Variants in PCCA observed in about 807,000 individuals in gnomAD.
PCCA encodes the protein propionyl-CoA carboxylase alpha chain, mitochondrial.
In PCCA, 74 loss-of-function variants were observed where a neutral mutation model predicts 101.3. The observed-to-expected ratio is 0.73, with a 90% CI of 0.61 to 0.89. The LOEUF is 0.89. Ranked by LOEUF, PCCA falls within the 40% of genes least tolerant of loss-of-function variation. The pLI, the probability that PCCA is intolerant of heterozygous loss-of-function variation, is 0.00. For missense variants in PCCA, 891 were observed against 907.0 expected (o/e 0.98, Z 0.23); for synonymous variants, 294 against 313.6 (o/e 0.94, Z 0.66).
intron 6 of PCCA, among the ~76,000 whole-genome samples, chr13:100,192,662 A>T (rs542444614): frequency 6.6e-6 from 1 of 152,320 alleles, no homozygotes; most frequent in Admixed American, 6.5e-5. Flanking sequence ...AGCTGAGATC[A>T]CGCCACTGCA....
chr13:100,492,956 C>T (rs1158430449), intron 21 of PCCA, among the ~76,000 whole-genome samples: 1 of 151,970 alleles, frequency 6.6e-6, no homozygotes, highest in African/African-American at 2.4e-5. Flanking sequence ...CACCATCCTT[C>T]AAGTCTGGGT....
At chr13:100,291,979 T>G (rs984095175) in intron 12 of PCCA, among the ~76,000 whole-genome samples, 1 of 152,172 alleles carries the variant, frequency 6.6e-6, no homozygotes, top group Non-Finnish European at 1.5e-5. Flanking sequence ...TCTCATCTTC[T>G]CCCTAGATCT....
intron 20 of PCCA, among the ~76,000 whole-genome samples, chr13:100,432,958 A>C (rs1441719457): frequency 6.6e-6 from 1 of 152,258 alleles, no homozygotes; most frequent in African/African-American, 2.4e-5. Context: ...AGGTTATAGC[A>C]TGTGACAGGA....
chr13:100,232,268 G>A (rs919748496), intron 7 of PCCA, among the ~76,000 whole-genome samples: 3 of 151,880 alleles, frequency 2.0e-5, no homozygotes, highest in African/African-American at 7.3e-5. Flanking sequence ...ATTTTTATAT[G>A]TGTGGTTCCC....
intron 20 of PCCA, among the ~76,000 whole-genome samples, chr13:100,432,528 A>G (rs1206957013): frequency 6.6e-6 from 1 of 152,226 alleles, no homozygotes; most frequent in African/African-American, 2.4e-5. Context: ...CTAAACATGG[A>G]AAAATAGGTT....
chr13:100,235,990 A>G (rs1439860756), intron 8 of PCCA, 112 bp downstream of exon 8: 1 of 744,974 alleles, frequency 1.3e-6, no homozygotes, highest in African/African-American at 1.7e-5. Context: ...ATAGTTTTAG[A>G]TTTTGATTAC....
intron 6 of PCCA, among the ~76,000 whole-genome samples, chr13:100,190,653 C>T (rs747257099): frequency 1.5e-4 from 23 of 151,896 alleles, no homozygotes; most frequent in South Asian, 2.1e-4. Context: ...CCAGCCTGGG[C>T]GACAGAGCGA....
intron 4 of PCCA, among the ~76,000 whole-genome samples, chr13:100,127,257 G>A (rs1228519895): frequency 1.3e-5 from 2 of 151,964 alleles, no homozygotes; most frequent in African/African-American, 4.8e-5. Flanking sequence ...TTTAATCTGT[G>A]GGAAGTGACT....
At chr13:100,428,146 A>T (rs868470989) in intron 20 of PCCA, among the ~76,000 whole-genome samples, 2 of 151,844 alleles carry the variant, frequency 1.3e-5, no homozygotes, top group Admixed American at 1.3e-4. Flanking sequence ...GGTTCACCGC[A>T]GCTTTGACCT....
intron 18 of PCCA, among the ~76,000 whole-genome samples, chr13:100,348,732 C>T (rs67948031): frequency 0.45 from 41,977 of 92,462 alleles, 9,047 homozygotes; most frequent in African/African-American, 0.5. Context: ...TTTTTCCTTT[C>T]TTTCTTTCTT....
chr13:100,363,212 T>G (rs575190499), intron 18 of PCCA, among the ~76,000 whole-genome samples: 8 of 152,288 alleles, frequency 5.3e-5, no homozygotes, highest in African/African-American at 1.9e-4. Flanking sequence ...TTGCTGAATT[T>G]TTATCTTCCC....
At chr13:100,471,194 G>A (rs1452780221) in intron 21 of PCCA, among the ~76,000 whole-genome samples, 2 of 152,158 alleles carry the variant, frequency 1.3e-5, no homozygotes, top group African/African-American at 2.4e-5. Flanking sequence ...CAAGGAGAGG[G>A]AGAGAGATGG....
intron 6 of PCCA, among the ~76,000 whole-genome samples, chr13:100,186,114 T>C (rs1330825156): frequency 6.6e-6 from 1 of 152,234 alleles, no homozygotes; most frequent in Non-Finnish European, 1.5e-5. Flanking sequence ...TTTATCATTC[T>C]TTTTCAGCAT....
At chr13:100,351,228 G>A (rs892848227) in intron 18 of PCCA, among the ~76,000 whole-genome samples, 3 of 152,076 alleles carry the variant, frequency 2.0e-5, no homozygotes, top group African/African-American at 7.2e-5. Context: ...CAAGTTAGCT[G>A]ATCTGTGTAA....
At chr13:100,198,179 G>T (rs998480252) in intron 6 of PCCA, 1 of 152,244 alleles carries the variant, frequency 6.6e-6, no homozygotes, top group Non-Finnish European at 1.5e-5. Context: ...CACTGATTTG[G>T]TGGTACCCAG....
chr13:100,494,764 C>T (rs924261781), intron 21 of PCCA, among the ~76,000 whole-genome samples: 1 of 152,152 alleles, frequency 6.6e-6, no homozygotes, highest in South Asian at 2.1e-4. Flanking sequence ...AGACTCTGCC[C>T]GGCCCGCTGG....
intron 8 of PCCA, among the ~76,000 whole-genome samples, chr13:100,250,532 C>T (rs1167408199): frequency 6.6e-6 from 1 of 151,384 alleles, no homozygotes; most frequent in Non-Finnish European, 1.5e-5. Context: ...TTATTTTTTT[C>T]TCCAAATCAT....
intron 21 of PCCA, among the ~76,000 whole-genome samples, chr13:100,484,062 A>G (rs1308672165): frequency 6.6e-6 from 1 of 152,208 alleles, no homozygotes; most frequent in Non-Finnish European, 1.5e-5. Context: ...CCTGCCTTCA[A>G]AGATTTTTGT....
intron 4 of PCCA, among the ~76,000 whole-genome samples, chr13:100,136,774 A>G (rs1315003644): frequency 6.6e-6 from 1 of 151,624 alleles, no homozygotes; most frequent in East Asian, 1.9e-4. Context: ...CTTATTTTGG[A>G]TGTCGTTTTT....
Sources: allele counts gnomAD v4.1 joint callset (sites outside exome capture counted in the v4.1 genomes callset), GRCh38; gene constraint gnomAD v4.1.1; transcripts MANE v1.5; gene names NCBI Gene and HGNC (gene_info 2026-07-23, HGNC 2026-07-21).